TEAD1: variants seen among roughly 807,000 people sequenced by gnomAD.
The protein encoded by TEAD1 is transcriptional enhancer factor TEF-1.
In TEAD1, 9 loss-of-function variants were observed where a neutral mutation model predicts 54.9. That is an observed-to-expected ratio of 0.16 (90% CI 0.10 to 0.29). The LOEUF (loss-of-function observed/expected upper bound fraction) is 0.29. TEAD1 is among the 10% of genes least tolerant of loss of function. TEAD1 has a pLI of 1.00. For synonymous variants in TEAD1, 200 were observed against 187.8 expected, an observed-to-expected ratio of 1.07 and a Z score of -0.53; for missense variants, 387 against 535.9, an observed-to-expected ratio of 0.72 and a Z score of 2.74.
At chr11:12,763,007 C>G (rs1399084292) in intron 2 of TEAD1, among the ~76,000 whole-genome samples, 2 of 152,194 alleles carry the variant, frequency 1.3e-5, no homozygotes, top group African/African-American at 4.8e-5. Context: ...TTGGCCTCCT[C>G]TTTTCGATCA....
At chr11:12,792,528 G>T (rs1419960330) in intron 3 of TEAD1, among the ~76,000 whole-genome samples, 2 of 152,096 alleles carry the variant, frequency 1.3e-5, no homozygotes, top group Non-Finnish European at 2.9e-5. Context: ...ATGTGAAATT[G>T]TTCTCAGGAC....
At chr11:12,808,563 C>T (rs753941169) in intron 3 of TEAD1, among the ~76,000 whole-genome samples, 13 of 152,236 alleles carry the variant, frequency 8.5e-5, no homozygotes, top group Middle Eastern at 3.4e-3. Context: ...ATCAGAGGCA[C>T]GTAGCAACTG....
chr11:12,679,983 ATAGATAG>A (rs1331823093), intron 2 of TEAD1, among the ~76,000 whole-genome samples: 1 of 152,248 alleles, frequency 6.6e-6, no homozygotes, highest in Non-Finnish European at 1.5e-5. Flanking sequence ...TGTTTTTCTA[ATAGATAG>A]TAAACTAAAT....
At chr11:12,906,679 A>G (rs4319500) in intron 10 of TEAD1, among the ~76,000 whole-genome samples, 88,254 of 151,998 alleles carry the variant, frequency 0.58, 26,772 homozygotes, top group Middle Eastern at 0.73. Flanking sequence ...GCCCATTTGT[A>G]GTTAGTTCTT....
At chr11:12,870,703 C>T (rs894685030) in intron 5 of TEAD1, among the ~76,000 whole-genome samples, 1 of 151,890 alleles carries the variant, frequency 6.6e-6, no homozygotes, top group Non-Finnish European at 1.5e-5. Flanking sequence ...CTGGGCAACA[C>T]GGTGAAACCC....
At chr11:12,692,494 T>C (rs1023180018) in intron 2 of TEAD1, among the ~76,000 whole-genome samples, 1 of 152,098 alleles carries the variant, frequency 6.6e-6, no homozygotes, top group Non-Finnish European at 1.5e-5. Flanking sequence ...TTAATGCCCC[T>C]CACCCACCAC....
At chr11:12,680,557 G>A (rs931603508) in intron 2 of TEAD1, among the ~76,000 whole-genome samples, 33 of 152,286 alleles carry the variant, frequency 2.2e-4, no homozygotes, top group African/African-American at 7.5e-4. Context: ...TGCCTGGCTC[G>A]CCCTCCCCCA....
intron 2 of TEAD1, among the ~76,000 whole-genome samples, chr11:12,697,579 T>C (rs1181319578): frequency 1.3e-5 from 2 of 152,220 alleles, no homozygotes; most frequent in Admixed American, 6.5e-5. Context: ...TTCTACAAAT[T>C]TGAAGCCATT....
chr11:12,913,855 T>G (rs534254281), intron 10 of TEAD1, among the ~76,000 whole-genome samples: 1 of 152,250 alleles, frequency 6.6e-6, no homozygotes, highest in African/African-American at 2.4e-5. Flanking sequence ...TGTTGTTCTA[T>G]GAAAAACTTT....
intron 10 of TEAD1, among the ~76,000 whole-genome samples, chr11:12,906,667 G>GT (rs1564985999): frequency 6.6e-6 from 1 of 152,106 alleles, no homozygotes; most frequent in Non-Finnish European, 1.5e-5. Flanking sequence ...AGGATCTCCT[G>GT]TGCCCATTTG....
At chr11:12,924,871 G>GGAT (rs1268486343) in intron 10 of TEAD1, 41 bp from the exon 11 acceptor site, 13 of 1,613,438 alleles carry the variant, frequency 8.1e-6, no homozygotes, top group Admixed American at 1.7e-5. Flanking sequence ...ATGACTCCTG[G>GGAT]GATGAGAGAA....
intron 5 of TEAD1, among the ~76,000 whole-genome samples, chr11:12,877,344 TAATATATAAG>T (rs1947871755): frequency 6.6e-6 from 1 of 152,096 alleles, no homozygotes; most frequent in Admixed American, 6.5e-5. Context: ...ACAGCCAGAG[TAATATATAAG>T]ACATAAAAAT....
intron 10 of TEAD1, among the ~76,000 whole-genome samples, chr11:12,908,903 G>C (rs1443891446): frequency 1.6e-5 from 1 of 64,440 alleles, no homozygotes; most frequent in Non-Finnish European, 3.2e-5. Context: ...TTTTGAGACA[G>C]TGTTGCTCTG....
chr11:12,675,720 C>T (rs538740744), intron 2 of TEAD1, among the ~76,000 whole-genome samples, 159 bp downstream of exon 2: 10 of 152,264 alleles, frequency 6.6e-5, no homozygotes, highest in East Asian at 1.9e-4. Context: ...TGTGACTTTT[C>T]TTCTTTTTAA....
intron 3 of TEAD1, among the ~76,000 whole-genome samples, chr11:12,796,972 G>T (rs1231953818): frequency 6.6e-6 from 1 of 152,144 alleles, no homozygotes; most frequent in East Asian, 1.9e-4. Context: ...AATTAGCTGG[G>T]TGTGGTGGCG....
chr11:12,850,332 A>G (rs1336934702), intron 3 of TEAD1, among the ~76,000 whole-genome samples: 1 of 152,186 alleles, frequency 6.6e-6, no homozygotes, highest in African/African-American at 2.4e-5. Flanking sequence ...GCTACTCAGG[A>G]GGCTGAGGCA....
At chr11:12,694,470 CTG>C (rs60083239) in intron 2 of TEAD1, among the ~76,000 whole-genome samples, 9,004 of 150,858 alleles carry the variant, frequency 0.06, 917 homozygotes, top group African/African-American at 0.21. Flanking sequence ...AGTTTTATAA[CTG>C]TTTTATTAAA....
chr11:12,805,045 T>C (rs9888260), intron 3 of TEAD1, among the ~76,000 whole-genome samples: 6,927 of 152,290 alleles, frequency 0.045, 567 homozygotes, highest in African/African-American at 0.16. Flanking sequence ...AAAAAAGATA[T>C]TCTTCACAGT....
At chr11:12,880,339 C>A (rs1947940642) in intron 6 of TEAD1, among the ~76,000 whole-genome samples, 1 of 152,212 alleles carries the variant, frequency 6.6e-6, no homozygotes, top group Admixed American at 6.5e-5. Flanking sequence ...ATCTTAAATG[C>A]TGCTTATTGT....
Sources: allele counts gnomAD v4.1 joint callset (sites outside exome capture counted in the v4.1 genomes callset), GRCh38; gene constraint gnomAD v4.1.1; transcripts MANE v1.5; gene names NCBI Gene and HGNC (gene_info 2026-07-23, HGNC 2026-07-21).